DNAH17: variants seen among roughly 807,000 people sequenced by gnomAD.
DNAH17 encodes dynein axonemal heavy chain 17.
DNAH17 carries 376 observed loss-of-function variants against 485.6 expected under a neutral mutation model. The observed-to-expected ratio is 0.77, with a 90% CI of 0.71 to 0.84. DNAH17 has a LOEUF of 0.84. DNAH17 is among the 40% of genes least tolerant of loss of function. DNAH17 has a pLI of 0.00. For missense variants in DNAH17, 6,370 were observed against 5,839.3 expected (o/e 1.09, Z -2.96); for synonymous variants, 3,031 against 2,405.9 (o/e 1.26, Z -7.60).
At chr17:78,516,369 A>C (rs112776286) in intron 25 of DNAH17, among the ~76,000 whole-genome samples, 9 of 152,288 alleles carry the variant, frequency 5.9e-5, no homozygotes, top group African/African-American at 2.2e-4. Flanking sequence ...GATGCCTGCT[A>C]TGTTCTGTAA....
At chr17:78,462,239 C>A (rs2088167519) in intron 57 of DNAH17, among the ~76,000 whole-genome samples, 1 of 39,806 alleles carries the variant, frequency 2.5e-5, no homozygotes, top group Non-Finnish European at 4.6e-5. Flanking sequence ...GGGAGAGTGA[C>A]AGCGAGAGTT....
At chr17:78,497,257 G>C (rs1012614964) in intron 37 of DNAH17, among the ~76,000 whole-genome samples, 1 of 152,112 alleles carries the variant, frequency 6.6e-6, no homozygotes, top group Non-Finnish European at 1.5e-5. Context: ...AGACAGCTGT[G>C]TCTCTCCAAG....
chr17:78,557,636 CAAAAAAA>C (rs34251460), intron 14 of DNAH17, among the ~76,000 whole-genome samples: 355 of 29,048 alleles, frequency 0.012, 3 homozygotes, highest in African/African-American at 0.029. Context: ...GAGACTGTCT[CAAAAAAA>C]AAAAAAAAAA....
intron 18 of DNAH17, among the ~76,000 whole-genome samples, chr17:78,538,405 G>C (rs1341528370): frequency 1.3e-5 from 2 of 152,076 alleles, no homozygotes; most frequent in African/African-American, 4.8e-5. Context: ...TCAAAATGTG[G>C]GCCAGGATCC....
chr17:78,518,836 T>C (rs749045972), intron 25 of DNAH17, among the ~76,000 whole-genome samples: 5 of 151,942 alleles, frequency 3.3e-5, no homozygotes, highest in African/African-American at 4.8e-5. Context: ...TAGAAATCAA[T>C]AATAGAAAGG....
intron 61 of DNAH17, 52 bp downstream of exon 61, chr17:78,458,949 G>A (rs2087945986): frequency 1.0e-5 from 16 of 1,582,910 alleles, no homozygotes; most frequent in South Asian, 2.2e-5. Context: ...GACTGGCAGC[G>A]CGAGCAAGCG....
Position 78,530,373 on chromosome 17 carries a change from T to C in DNAH17, c.3254A>G (p.Lys1085Arg). 1 of 1,612,190 alleles carries C rather than the reference T, an allele frequency of 6.2e-7. No individual in the cohort carries two copies. The highest frequency in any genetic ancestry group is 8.5e-7 in the Non-Finnish European group (1 of 1,178,604). Residue 1085 changes from lysine (K) to arginine (R), a missense_variant, in exon 21 of 81, where the codon AAG becomes AGG. Physicochemically the swap from Lys to Arg is conservative, Grantham distance 26. Transcript: ENST00000389840. ...GGTGACGTGGTTGCTCAGGTGCCGC[T>C]TGAACATGAAGCCCCAGCGCCGGAT... is the stretch of plus-strand genomic sequence containing the variant. ...STIRRWGFMF[K>R]RHLSNHVTNS...
intron 7 of DNAH17, among the ~76,000 whole-genome samples, chr17:78,569,748 G>A (rs551368425): frequency 3.9e-5 from 6 of 152,330 alleles, no homozygotes; most frequent in African/African-American, 7.2e-5. Flanking sequence ...GGTGGGGGTC[G>A]CAGATGATGA....
chr17:78,450,435 G>C lies in DNAH17; in HGVS notation c.10900-41C>G, dbSNP rs530488936. The C allele has an allele frequency of 5.0e-6, 8 of 1,609,322 alleles. No individual in the cohort carries two copies. The South Asian group carries it at 7.7e-5, about 16-fold the overall frequency. On this transcript the variant is annotated intron_variant, in intron 67 of 80. Transcript: ENST00000389840. ...AGGGGTGTGAATGACACAGCAGATG[G>C]GCAGTGCCATGAGCAGGTGGGCTCA...
chr17:78,425,039 T>G (rs886783751), intron 80 of DNAH17: 5 of 236,188 alleles, frequency 2.1e-5, no homozygotes, highest in Admixed American at 2.1e-4. Context: ...AAGCCTGGGC[T>G]TTTCAGCGCT....
At chr17:78,476,822 T>TC in intron 51 of DNAH17, 89 bp from the exon 52 acceptor site, 2 of 1,447,118 alleles carry the variant, frequency 1.4e-6, no homozygotes, top group Non-Finnish European at 9.2e-7. Context: ...AGCAGCCCCC[T>TC]CCCCCGGGGC....
At position 78,530,484 on chromosome 17, in the gene DNAH17, T is replaced by TC; in HGVS notation, c.3142dup (p.Glu1048GlyfsTer51). ...CTTGGTGTTCTCGCACTTGGACACC[T>TC]CCTCATACAGCTTCTCGTAGGAGTC... On this transcript the variant is annotated frameshift_variant, in exon 21 of 81. Coordinates refer to ENST00000389840, the MANE Select transcript of DNAH17 (RefSeq NM_173628.4). LOFTEE classifies it high-confidence loss of function. 6.2e-7 allele frequency: 1 copy of TC among 1,611,374 alleles called. No homozygotes were observed. The highest frequency in any genetic ancestry group is 8.5e-7 in the Non-Finnish European group (1 of 1,178,166).
At chr17:78,553,283 GTTTTTTTTTTTTTTTTT>G (rs60587420) in intron 14 of DNAH17, among the ~76,000 whole-genome samples, 3 of 51,020 alleles carry the variant, frequency 5.9e-5, no homozygotes, top group East Asian at 6.6e-4. Flanking sequence ...AGGTTTTTGT[GTTTTTTTTTTTTTTTTT>G]TTTTTTTTTT....
chr17:78,513,886 TC>T (rs1161310724), intron 26 of DNAH17, among the ~76,000 whole-genome samples: 2 of 152,220 alleles, frequency 1.3e-5, no homozygotes, highest in Non-Finnish European at 2.9e-5. Context: ...GGGCCATGTC[TC>T]CTGTCTCTCT....
chr17:78,566,909 G>C, intron 10 of DNAH17, 90 bp downstream of exon 10: 1 of 1,459,140 alleles, frequency 6.9e-7, no homozygotes, highest in South Asian at 1.4e-5. Flanking sequence ...TGCTTCCTCC[G>C]TGTGCCCTCC....
intron 42 of DNAH17, among the ~76,000 whole-genome samples, chr17:78,492,370 C>T (rs1598574405): frequency 6.6e-6 from 1 of 152,190 alleles, no homozygotes; most frequent in Admixed American, 6.5e-5. Context: ...TCTGCCCTCT[C>T]CCCTTGGCCT....
In DNAH17 at chr17:78,450,670, G is replaced by A. The variant is rs1253417326; in HGVS notation, c.10899+12C>T. 6.2e-7 allele frequency: 1 copy of A among 1,608,794 alleles called. No homozygotes were observed. The highest frequency in any genetic ancestry group is 1.3e-5 in the African/African-American group (1 of 74,830). On this transcript the variant is annotated intron_variant, in intron 67 of 80. Coordinates refer to ENST00000389840, the MANE Select transcript of DNAH17 (RefSeq NM_173628.4). Reference sequence around the variant, plus strand: ...CCTGGCTGCCAGGGCACGTCACCGAGGCAGCTCTGACCTTCTCCTCGATCT... The same window carrying A: ...CCTGGCTGCCAGGGCACGTCACCGAAGCAGCTCTGACCTTCTCCTCGATCT...
At chr17:78,554,116 A>C (rs1377868153) in intron 14 of DNAH17, among the ~76,000 whole-genome samples, 1 of 152,144 alleles carries the variant, frequency 6.6e-6, no homozygotes, top group Non-Finnish European at 1.5e-5. Context: ...GTTCAGTTAT[A>C]CAACAGAAAA....
rs2091933438 is a variant in DNAH17, at chr17:78,552,814, CAG to C, written c.2179-11_2179-10del. The C allele has an allele frequency of 1.3e-6, 2 of 1,587,658 alleles. No homozygotes were observed. The highest frequency in any genetic ancestry group is 1.3e-5 in the African/African-American group (1 of 74,510). Reference sequence around the variant, plus strand: ...TTCACTATAGTCTTTATCTGAAAAACAGAGGTGACAGGTTTTGTTCCGAGTCC... The same window carrying C: ...TTCACTATAGTCTTTATCTGAAAAACAGGTGACAGGTTTTGTTCCGAGTCC... On this transcript the variant is annotated splice_polypyrimidine_tract_variant and intron_variant, in intron 14 of 80. Transcript: ENST00000389840.
Sources: allele counts gnomAD v4.1 joint callset (sites outside exome capture counted in the v4.1 genomes callset), GRCh38; gene constraint gnomAD v4.1.1; transcripts MANE v1.5; gene names NCBI Gene and HGNC (gene_info 2026-07-23, HGNC 2026-07-21).